Variants in PTPRR observed in about 807,000 individuals in gnomAD.
The protein encoded by PTPRR is protein tyrosine phosphatase receptor type R, also known as receptor-type tyrosine-protein phosphatase R.
PTPRR carries 38 observed loss-of-function variants against 77.2 expected under a neutral mutation model. That is an observed-to-expected ratio of 0.49 (90% CI 0.38 to 0.65). The LOEUF (loss-of-function observed/expected upper bound fraction) is 0.65. Among genes scored for constraint, PTPRR ranks in the 30% least tolerant of loss-of-function variants. The probability of loss-of-function intolerance (pLI) is 0.00; values close to 1 mark genes in which losing one functional copy is unlikely to be tolerated. For synonymous variants in PTPRR, 299 were observed against 283.1 expected, an observed-to-expected ratio of 1.06 and a Z score of -0.57; for missense variants, 744 against 799.2, an observed-to-expected ratio of 0.93 and a Z score of 0.83.
At chr12:70,661,183 C>T in intron 11 of PTPRR, 86 bp from the exon 12 acceptor site, 2 of 1,505,934 alleles carry the variant, frequency 1.3e-6, no homozygotes, top group Non-Finnish European at 1.8e-6. Context: ...CCTTTTATCA[C>T]CCCCATCTTG....
chr12:70,668,278 AGAGGAG>A (rs760628477), intron 10 of PTPRR, among the ~76,000 whole-genome samples: 7 of 151,804 alleles, frequency 4.6e-5, no homozygotes, highest in Admixed American at 2.0e-4. Context: ...AAGAGGAGGA[AGAGGAG>A]GAGGAGGAGG....
intron 5 of PTPRR, among the ~76,000 whole-genome samples, chr12:70,752,566 G>A (rs933271308): frequency 6.6e-6 from 1 of 152,138 alleles, no homozygotes; most frequent in African/African-American, 2.4e-5. Flanking sequence ...AGCAAGCTCT[G>A]CTCTGTTTCT....
At chr12:70,724,045 T>C (rs1391446673) in intron 6 of PTPRR, among the ~76,000 whole-genome samples, 1 of 152,176 alleles carries the variant, frequency 6.6e-6, no homozygotes, top group African/African-American at 2.4e-5. Context: ...GTTTGCAAAA[T>C]ATGCTTTCTT....
intron 2 of PTPRR, among the ~76,000 whole-genome samples, chr12:70,780,314 T>G (rs1410888468): frequency 6.6e-6 from 1 of 152,178 alleles, no homozygotes; most frequent in Non-Finnish European, 1.5e-5. Context: ...GTAGGCAATA[T>G]CAATATATAT....
intron 1 of PTPRR, among the ~76,000 whole-genome samples, chr12:70,907,517 T>A (rs1893639803): frequency 6.6e-6 from 1 of 152,210 alleles, no homozygotes; most frequent in African/African-American, 2.4e-5. Context: ...AAATCCATTG[T>A]CTGCTATTTG....
At chr12:70,754,779 C>T (rs1352437518) in intron 4 of PTPRR, 12 of 1,494,366 alleles carry the variant, frequency 8.0e-6, no homozygotes, top group Non-Finnish European at 9.8e-6. Context: ...AGCAACAATG[C>T]CAGCATTATT....
chr12:70,642,434 C>T (rs1886039811), intron 13 of PTPRR, among the ~76,000 whole-genome samples: 1 of 152,134 alleles, frequency 6.6e-6, no homozygotes, highest in Admixed American at 6.5e-5. Flanking sequence ...CGTTGTGTCT[C>T]CCAGGTATTT....
intron 1 of PTPRR, among the ~76,000 whole-genome samples, chr12:70,919,407 T>G: frequency 6.6e-6 from 1 of 152,180 alleles, no homozygotes; most frequent in East Asian, 1.9e-4. Context: ...TTGGTTCATG[T>G]GTGTGTGACA....
intron 2 of PTPRR, among the ~76,000 whole-genome samples, chr12:70,887,479 A>T (rs776954152): frequency 2.0e-5 from 3 of 152,130 alleles, no homozygotes; most frequent in Non-Finnish European, 4.4e-5. Context: ...AAGGTGAAGA[A>T]AAAAGTAGGA....
At chr12:70,746,891 C>T (rs1460727629) in intron 5 of PTPRR, among the ~76,000 whole-genome samples, 12 of 151,298 alleles carry the variant, frequency 7.9e-5, no homozygotes, top group Non-Finnish European at 1.8e-4. Flanking sequence ...GTCAGTCCAC[C>T]TCCTTGTAAT....
At chr12:70,806,205 G>A in intron 2 of PTPRR, among the ~76,000 whole-genome samples, 1 of 152,122 alleles carries the variant, frequency 6.6e-6, no homozygotes, top group South Asian at 2.1e-4. Flanking sequence ...TGCCTGTTTG[G>A]AAATCATTTC....
At chr12:70,783,087 C>A (rs1430864284) in intron 2 of PTPRR, among the ~76,000 whole-genome samples, 1 of 152,166 alleles carries the variant, frequency 6.6e-6, no homozygotes, top group Non-Finnish European at 1.5e-5. Context: ...CGGCCAGAAA[C>A]CTCTGTGGCT....
chr12:70,907,580 C>G (rs80353840), intron 1 of PTPRR, among the ~76,000 whole-genome samples: 2,099 of 152,194 alleles, frequency 0.014, 26 homozygotes, highest in Non-Finnish European at 0.021. Context: ...TTTTGCCCAG[C>G]TTTAATAGAG....
At chr12:70,904,710 G>C (rs560134427) in intron 1 of PTPRR, among the ~76,000 whole-genome samples, 1 of 151,646 alleles carries the variant, frequency 6.6e-6, no homozygotes, top group Non-Finnish European at 1.5e-5. Context: ...TTTTTCAAGC[G>C]TAACTATATC....
At position 70,838,232 on chromosome 12, in the gene PTPRR, G is replaced by C. The variant is rs144341525; in HGVS notation, c.357+54447C>G. 6.8e-4 allele frequency among the ~76,000 whole-genome samples: 103 copies of C among 152,236 alleles called. 4 individuals are homozygous for C. In the East Asian group the frequency reaches 0.019, roughly 28 times the overall value. ...CAATAAATAATGTATTGAGGGTTGAGTCCTCAAGACTCGCCCACCTCACTA... is the reference window on the plus strand; with the variant it reads ...CAATAAATAATGTATTGAGGGTTGACTCCTCAAGACTCGCCCACCTCACTA... On this transcript the variant is annotated intron_variant, in intron 2 of 13. Transcript: ENST00000283228.
chr12:70,725,994 G>A (rs1241939662), intron 6 of PTPRR, among the ~76,000 whole-genome samples: 9 of 151,742 alleles, frequency 5.9e-5, no homozygotes, highest in Admixed American at 5.3e-4. Context: ...TGCTTATAAT[G>A]TACACATCAT....
intron 6 of PTPRR, among the ~76,000 whole-genome samples, chr12:70,712,980 A>C (rs73329592): frequency 1.6e-3 from 248 of 152,230 alleles, no homozygotes; most frequent in African/African-American, 5.4e-3. Flanking sequence ...CACTACAATA[A>C]ATTTTAAAGC....
In PTPRR at chr12:70,812,572, C is replaced by T. The variant is rs1891828548; in HGVS notation, c.358-47794G>A. 1.3e-5 allele frequency among the ~76,000 whole-genome samples: 2 copies of T among 152,142 alleles called. 1 individual carries two copies. Among genetic ancestry groups the T allele is most frequent in the South Asian group, 4.1e-4 (2 of 4,826 alleles). ...AAGGATAGATATGATTTCCCTAACC[C>T]ACGTTTCCCATCTGAGAAACTGCAA... On this transcript the variant is annotated intron_variant, in intron 2 of 13. Coordinates refer to ENST00000283228, the MANE Select transcript of PTPRR (RefSeq NM_002849.4).
At chr12:70,781,025 A>G (rs1274976741) in intron 2 of PTPRR, among the ~76,000 whole-genome samples, 1 of 152,222 alleles carries the variant, frequency 6.6e-6, no homozygotes, top group Non-Finnish European at 1.5e-5. Flanking sequence ...ATTTGCTTGA[A>G]GGAGGTGCAG....
Sources: gnomAD v4.1 joint callset for allele counts (sites outside exome capture counted in the v4.1 genomes callset) on GRCh38, gnomAD v4.1.1 for gene constraint, MANE v1.5 for transcripts, NCBI Gene and HGNC (gene_info 2026-07-23, HGNC 2026-07-21) for gene names.